STXBP5: variants seen among roughly 807,000 people sequenced by gnomAD.
The protein encoded by STXBP5 is syntaxin binding protein 5.
A neutral mutation model predicts 152.4 loss-of-function variants in STXBP5; 50 were observed. The ratio of observed to expected loss-of-function variants is 0.33; its 90% CI spans 0.26 to 0.42. STXBP5 has a LOEUF of 0.42. Among genes scored for constraint, STXBP5 ranks in the 10% least tolerant of loss-of-function variants. The pLI is 1.00. For missense variants in STXBP5, 1,167 were observed against 1,388.6 expected, an observed-to-expected ratio of 0.84 and a Z score of 2.54; for synonymous variants, 492 against 494.7, an observed-to-expected ratio of 0.99 and a Z score of 0.07.
chr6:147,382,799 A>G lies in STXBP5; in HGVS notation c.3215A>G (p.Lys1072Arg), dbSNP rs566577102. The G allele has an allele frequency of 6.2e-7, 1 of 1,613,408 alleles. No individual in the cohort carries two copies. The highest frequency in any genetic ancestry group is 1.7e-5 in the Admixed American group (1 of 59,978). Reference sequence around the variant, plus strand: ...TCAGTTGGAGAATCGTCCTCAGGAAAGGCTTCAAGGAGCCTTGCACAGCAT... The same window carrying G: ...TCAGTTGGAGAATCGTCCTCAGGAAGGGCTTCAAGGAGCCTTGCACAGCAT... ...EELFGESSSG[K>R]ASRSLAQHIP... is the part of the protein sequence containing the mutation. The change falls in exon 27 of 28, where the codon AAG (lysine) becomes AGG (arginine). Residue 1072 changes from lysine (K) to arginine (R), a missense_variant. Lys to Arg is a conservative substitution (Grantham distance 26, BLOSUM62 2). Around this residue, in one of 3 missense-constraint regions of STXBP5, gnomAD observed 833 missense variants for 986.3 expected, o/e 0.84. Coordinates refer to ENST00000321680, the MANE Select transcript of STXBP5 (RefSeq NM_001127715.4).
intron 8 of STXBP5, 38 bp downstream of exon 8, chr6:147,278,242 A>G: frequency 1.3e-6 from 2 of 1,521,506 alleles, no homozygotes; most frequent in African/African-American, 2.8e-5. Flanking sequence ...CCTAATTGTA[A>G]CGTACAGTAA....
intron 26 of STXBP5, among the ~76,000 whole-genome samples, chr6:147,382,438 T>G (rs1312886892): frequency 6.6e-6 from 1 of 152,160 alleles, no homozygotes; most frequent in Non-Finnish European, 1.5e-5. Context: ...TATCTTTCGT[T>G]TTTTGCACAA....
chr6:147,243,727 C>G (rs1258909889), intron 4 of STXBP5, among the ~76,000 whole-genome samples: 1 of 152,018 alleles, frequency 6.6e-6, no homozygotes, highest in African/African-American at 2.4e-5. Flanking sequence ...ACATTTAGAT[C>G]TGTGATCCAT....
intron 25 of STXBP5, among the ~76,000 whole-genome samples, chr6:147,364,627 T>C (rs1397619652): frequency 1.3e-5 from 2 of 152,196 alleles, no homozygotes; most frequent in Non-Finnish European, 2.9e-5. Flanking sequence ...TGTTGGTTGA[T>C]CTGTTTTTGA....
At chr6:147,213,522 T>G (rs893418634) in intron 2 of STXBP5, among the ~76,000 whole-genome samples, 5 of 151,212 alleles carry the variant, frequency 3.3e-5, no homozygotes, top group Non-Finnish European at 7.4e-5. Flanking sequence ...ATTTTTTTCT[T>G]TCTTGCAAAG....
chr6:147,231,677 A>C lies in STXBP5; in HGVS notation c.249-3573A>C, dbSNP rs1021446843. Among the ~76,000 whole-genome samples, 5 of 151,902 alleles carry C rather than the reference A, an allele frequency of 3.3e-5. No individual in the cohort carries two copies. The East Asian group carries it at 9.6e-4, about 29-fold the overall frequency. ...TAAGTGAATATTTCCTCACTTAATA[A>C]ATTTGCAAGAATGTTCAGTGTATAA... On this transcript the variant is annotated intron_variant, in intron 2 of 27. Transcript: ENST00000321680.
intron 21 of STXBP5, among the ~76,000 whole-genome samples, chr6:147,350,922 G>T (rs1784562730): frequency 1.3e-5 from 2 of 152,076 alleles, no homozygotes; most frequent in Admixed American, 1.3e-4. Flanking sequence ...GATTACTAAG[G>T]TTACACATGT....
At chr6:147,254,621 T>C (rs1216830551) in intron 4 of STXBP5, among the ~76,000 whole-genome samples, 3 of 152,072 alleles carry the variant, frequency 2.0e-5, no homozygotes. Context: ...CATCAAAAAG[T>C]GGGCAAACTT....
At chr6:147,255,035 C>G (rs1779287118) in intron 4 of STXBP5, among the ~76,000 whole-genome samples, 2 of 152,118 alleles carry the variant, frequency 1.3e-5, no homozygotes, top group South Asian at 4.1e-4. Flanking sequence ...TATTGCAGTA[C>G]TATTCACAAT....
At chr6:147,373,632 G>A (rs1236030970) in intron 25 of STXBP5, 99 bp from the exon 26 acceptor site, 3 of 781,284 alleles carry the variant, frequency 3.8e-6, no homozygotes, top group Admixed American at 4.1e-5. Context: ...AACAGGTAAT[G>A]TTCTGAGCTT....
rs1415228189 is a variant in STXBP5 at position 147,314,346 on chromosome 6, G to A, written c.1361+15G>A. 6.2e-7 allele frequency: 1 copy of A among 1,606,980 alleles called. No individual in the cohort carries two copies. The highest frequency in any genetic ancestry group is 8.5e-7 in the Non-Finnish European group (1 of 1,173,728). ...ATTATTACAGGGTAAGTAAAAGTCT[G>A]TCTTCACCAAGTAAATCTATAATAG... On this transcript the variant is annotated intron_variant, in intron 13 of 27. Transcript: ENST00000321680.
intron 2 of STXBP5, among the ~76,000 whole-genome samples, chr6:147,229,964 C>T (rs1299472205): frequency 6.6e-6 from 1 of 151,898 alleles, no homozygotes; most frequent in African/African-American, 2.4e-5. Flanking sequence ...CAGTCCTTCA[C>T]CACTGGGAAG....
intron 19 of STXBP5, among the ~76,000 whole-genome samples, chr6:147,337,120 C>A (rs1314354337): frequency 1.3e-5 from 2 of 151,476 alleles, no homozygotes; most frequent in African/African-American, 4.9e-5. Context: ...TATATTGCTT[C>A]ACTGAACACT....
chr6:147,233,864 CTACTACTACTACTAT>C (rs968146952), intron 2 of STXBP5, among the ~76,000 whole-genome samples: 23 of 150,062 alleles, frequency 1.5e-4, no homozygotes, highest in South Asian at 1.0e-3. Context: ...ATTATGACTA[CTACTACTACTACTAT>C]TACTACTACT....
chr6:147,271,983 C>T (rs919079026), intron 7 of STXBP5, among the ~76,000 whole-genome samples: 3 of 152,058 alleles, frequency 2.0e-5, no homozygotes, highest in African/African-American at 7.2e-5. Context: ...GAAATATGTA[C>T]TTAATGCCAA....
chr6:147,377,391 C>G (rs967604482), intron 26 of STXBP5, among the ~76,000 whole-genome samples: 1 of 151,884 alleles, frequency 6.6e-6, no homozygotes, highest in Non-Finnish European at 1.5e-5. Context: ...GTTAGAAAAA[C>G]AGCAAAATAA....
intron 21 of STXBP5, among the ~76,000 whole-genome samples, chr6:147,352,686 C>G (rs895601607): frequency 6.6e-6 from 1 of 152,156 alleles, no homozygotes; most frequent in African/African-American, 2.4e-5. Flanking sequence ...CATACCCAAA[C>G]TTAGTCTTAG....
chr6:147,257,494 A>G (rs1418674449), intron 4 of STXBP5, among the ~76,000 whole-genome samples: 3 of 152,012 alleles, frequency 2.0e-5, no homozygotes, highest in Non-Finnish European at 2.9e-5. Flanking sequence ...TACAAAACTT[A>G]ACTTGGTCTC....
At chr6:147,222,139 T>G (rs1444468633) in intron 2 of STXBP5, among the ~76,000 whole-genome samples, 2 of 152,198 alleles carry the variant, frequency 1.3e-5, no homozygotes, top group Admixed American at 1.3e-4. Context: ...GTTCTGCTTA[T>G]ATTGCCCATC....
Sources: allele counts gnomAD v4.1 joint callset (sites outside exome capture counted in the v4.1 genomes callset), GRCh38; gene constraint gnomAD v4.1.1; regional missense constraint gnomAD v4.1.1; transcripts MANE v1.5; gene names NCBI Gene and HGNC (gene_info 2026-07-23, HGNC 2026-07-21).